The following ANKS3 variants were observed in gnomAD, a reference collection of about 807,000 sequenced individuals.
The protein encoded by ANKS3 is ankyrin repeat and sterile alpha motif domain containing 3.
In ANKS3, 62 loss-of-function variants were observed where a neutral mutation model predicts 80.7. That is an observed-to-expected ratio of 0.77 (90% confidence interval 0.63 to 0.95). ANKS3 has a LOEUF of 0.95. Ranked by LOEUF, ANKS3 falls within the 40% of genes least tolerant of loss-of-function variation. ANKS3 has a pLI of 0.00. For missense variants in ANKS3, 1,150 were observed against 883.6 expected (o/e 1.30, Z -3.82); for synonymous variants, 489 against 355.3 (o/e 1.38, Z -4.23).
At chr16:4,718,251 A>G (rs910685402) in intron 6 of ANKS3, among the ~76,000 whole-genome samples, 18 of 152,134 alleles carry the variant, frequency 1.2e-4, no homozygotes, top group Non-Finnish European at 2.2e-4. Flanking sequence ...TTAGGCTTTA[A>G]GAGACTTTTT....
chr16:4,706,576 T>C (rs112386780), intron 7 of ANKS3, among the ~76,000 whole-genome samples: 2,424 of 152,364 alleles, frequency 0.016, 47 homozygotes, highest in African/African-American at 0.05. Context: ...GTGTTTGCTA[T>C]GATTATAAAC....
At chr16:4,698,294 T>C (rs1177482075) in intron 14 of ANKS3, 133 bp downstream of exon 14, 2 of 1,293,782 alleles carry the variant, frequency 1.5e-6, no homozygotes, top group East Asian at 5.2e-5. Flanking sequence ...CCTGATGAAA[T>C]GGGGGTGGGG....
chr16:4,731,310 C>G (rs150795855), intron 2 of ANKS3, among the ~76,000 whole-genome samples: 1 of 152,128 alleles, frequency 6.6e-6, no homozygotes, highest in Admixed American at 6.6e-5. Context: ...GAGACAGTCT[C>G]GCTCTGTTGC....
chr16:4,731,253 G>A (rs1339170750), intron 2 of ANKS3, among the ~76,000 whole-genome samples: 9 of 152,134 alleles, frequency 5.9e-5, no homozygotes, highest in African/African-American at 2.2e-4. Context: ...CCACAGAACT[G>A]AACACCAAAA....
At chr16:4,700,830 G>A (rs1366197480) in intron 11 of ANKS3, 140 bp downstream of exon 11, 16 of 1,123,204 alleles carry the variant, frequency 1.4e-5, no homozygotes, top group Non-Finnish European at 2.1e-5. Flanking sequence ...TGAGCCTGTG[G>A]AGCCTAACAG....
At chr16:4,728,155 C>T (rs945091786) in intron 3 of ANKS3, 9 of 152,298 alleles carry the variant, frequency 5.9e-5, no homozygotes, top group Admixed American at 5.9e-4. Context: ...ACGCCATTCT[C>T]CTGCCTCAGC....
In ANKS3 at chr16:4,701,521, G is replaced by A. The variant is rs780459454; in HGVS notation, c.1032C>T (p.Asn344=). Residue 344 remains asparagine, a synonymous_variant, in exon 10 of 18, where the codon AAC becomes AAT. Transcript: ENST00000304283. The part of the protein sequence containing the change: ...SSREEHAFCA[N]LGPVQSSSSS... Reference sequence around the variant, plus strand: ...TGCTGCTGCTCTGGACGGGCCCCAGGTTGGCACAGAAAGCATGTTCCTCTG... The same window carrying A: ...TGCTGCTGCTCTGGACGGGCCCCAGATTGGCACAGAAAGCATGTTCCTCTG... The A allele has an allele frequency of 1.2e-6, 2 of 1,611,374 alleles. No individual in the cohort carries two copies. Among genetic ancestry groups the A allele is most frequent in the East Asian group, 4.5e-5 (2 of 44,832 alleles).
At chr16:4,718,808 TCA>T (rs765116059) in intron 6 of ANKS3, among the ~76,000 whole-genome samples, 25 of 152,212 alleles carry the variant, frequency 1.6e-4, no homozygotes, top group Non-Finnish European at 3.2e-4. Context: ...GAGGAAGAAC[TCA>T]GTGTTGAGTT....
chr16:4,706,377 CCCG>C (rs2080192836), intron 7 of ANKS3, among the ~76,000 whole-genome samples: 1 of 151,602 alleles, frequency 6.6e-6, no homozygotes, highest in Admixed American at 6.6e-5. Context: ...ACTACAGGCA[CCCG>C]GCCACCATGC....
At chr16:4,722,811 G>A (rs768967371) in intron 6 of ANKS3, among the ~76,000 whole-genome samples, 15 of 151,336 alleles carry the variant, frequency 9.9e-5, no homozygotes, top group Non-Finnish European at 1.5e-4. Context: ...CCAGCTACTC[G>A]GGAGGCTGAG....
chr16:4,699,585 A>G (rs2079785531), intron 11 of ANKS3: 3 of 215,004 alleles, frequency 1.4e-5, no homozygotes, highest in South Asian at 1.6e-4. Flanking sequence ...ACCTGTCTGG[A>G]GTTCACCGAG....
chr16:4,705,202 CT>C lies in ANKS3; in HGVS notation c.760del (p.Arg254AspfsTer138), dbSNP rs2080119914. 6.2e-7 allele frequency: 1 copy of C among 1,613,906 alleles called. No individual in the cohort carries two copies. The highest frequency in any genetic ancestry group is 1.7e-5 in the Admixed American group (1 of 60,008). The part of the protein sequence containing the change: ...SSDESCPAPQ[R>X]QRPCRKKGVS... The stretch of plus-strand genomic sequence containing the variant: ...ACCCTTCTTCCGGCAAGGCCTCTGT[CT>C]CTGAGGAGCAGGGCAGGACTCGTCA... On this transcript the variant is annotated frameshift_variant, in exon 8 of 18. Coordinates refer to ENST00000304283, the MANE Select transcript of ANKS3 (RefSeq NM_133450.4). LOFTEE classifies it high-confidence loss of function.
At chr16:4,717,076 T>C (rs959006148) in intron 6 of ANKS3, among the ~76,000 whole-genome samples, 2 of 150,584 alleles carry the variant, frequency 1.3e-5, no homozygotes, top group Non-Finnish European at 3.0e-5. Flanking sequence ...ACCCCATCTC[T>C]ACTAAAAATA....
intron 5 of ANKS3, among the ~76,000 whole-genome samples, chr16:4,725,710 T>A (rs1009504221): frequency 1.3e-5 from 2 of 152,194 alleles, no homozygotes; most frequent in African/African-American, 2.4e-5. Flanking sequence ...CAGGCTGGAG[T>A]GCAGTGGCAC....
intron 6 of ANKS3, among the ~76,000 whole-genome samples, chr16:4,719,794 T>C (rs1041093473): frequency 6.6e-6 from 1 of 151,598 alleles, no homozygotes; most frequent in African/African-American, 2.4e-5. Context: ...CAAGACCCTA[T>C]ATAAAAAAAA....
intron 11 of ANKS3, chr16:4,700,412 G>A (rs953490454): frequency 3.4e-5 from 7 of 205,822 alleles, no homozygotes; most frequent in African/African-American, 7.1e-5. Context: ...GCGAGACTCC[G>A]TCTCGAACAA....
intron 6 of ANKS3, chr16:4,717,585 T>G (rs2080866494): frequency 6.6e-6 from 1 of 152,014 alleles, no homozygotes; most frequent in African/African-American, 2.4e-5. Flanking sequence ...TAGTTTAAGT[T>G]TGATAGAAGG....
intron 10 of ANKS3, 105 bp downstream of exon 10, chr16:4,701,329 C>G: frequency 7.5e-7 from 1 of 1,339,074 alleles, no homozygotes; most frequent in South Asian, 1.4e-5. Flanking sequence ...CACACACGTG[C>G]AGCAGCTGCT....
At position 4,726,976 on chromosome 16, in the gene ANKS3, C is replaced by T. The variant is rs1338331115; in HGVS notation, c.369+3G>A. 6.2e-7 allele frequency: 1 copy of T among 1,613,904 alleles called. No individual in the cohort carries two copies. Among genetic ancestry groups the T allele is most frequent in the African/African-American group, 1.3e-5 (1 of 74,938 alleles). On this transcript the variant is annotated splice_donor_region_variant and intron_variant, in intron 4 of 17. Transcript: ENST00000304283. ...TCTGGGCCTGAGTTCCCTCGTAGCT[C>T]ACCTGGAGAAGAAAGTAGGCGATGC...
Sources: allele counts gnomAD v4.1 joint callset (sites outside exome capture counted in the v4.1 genomes callset), GRCh38; gene constraint gnomAD v4.1.1; transcripts MANE v1.5; gene names NCBI Gene and HGNC (gene_info 2026-07-23, HGNC 2026-07-21).